CLCC1: variants seen among roughly 807,000 people sequenced by gnomAD.
CLCC1 encodes chloride channel CLIC-like protein 1.
CLCC1 carries 39 observed loss-of-function variants against 63.3 expected under a neutral mutation model. The ratio of observed to expected loss-of-function variants is 0.62; its 90% CI spans 0.48 to 0.81. The LOEUF (loss-of-function observed/expected upper bound fraction) is 0.81, where lower values mean the gene tolerates loss of function less well. Ranked by LOEUF, CLCC1 falls within the 30% of genes least tolerant of loss-of-function variation. The pLI is 0.00. For synonymous variants in CLCC1, 217 were observed against 239.8 expected, an observed-to-expected ratio of 0.90 and a Z score of 0.88; for missense variants, 549 against 669.4, an observed-to-expected ratio of 0.82 and a Z score of 1.98.
At chr1:108,949,077 C>T (rs1654882591) in intron 4 of CLCC1, among the ~76,000 whole-genome samples, 1 of 152,212 alleles carries the variant, frequency 6.6e-6, no homozygotes, top group African/African-American at 2.4e-5. Flanking sequence ...CCTAAGCCAT[C>T]AACATTTGCC....
chr1:108,960,851 G>T (rs941289031), intron 2 of CLCC1, among the ~76,000 whole-genome samples: 9 of 151,882 alleles, frequency 5.9e-5, no homozygotes, highest in African/African-American at 2.2e-4. Flanking sequence ...AAGCAGTTGA[G>T]ATTTTTTTTT....
intron 2 of CLCC1, among the ~76,000 whole-genome samples, chr1:108,952,041 G>T (rs146052856): frequency 1.3e-5 from 2 of 152,072 alleles, no homozygotes; most frequent in African/African-American, 2.4e-5. Flanking sequence ...GCCTCCCAAA[G>T]TGCTGGGATT....
Position 108,931,617 on chromosome 1 carries a change from A to G in CLCC1, c.*930T>C. Reference sequence around the variant, plus strand: ...GTCATAACCTGGAATTAATTACATTAAGTGCTCAGCTAAAAAAAAAAAAAA... The same window carrying G: ...GTCATAACCTGGAATTAATTACATTGAGTGCTCAGCTAAAAAAAAAAAAAA... On this transcript the variant is annotated 3_prime_UTR_variant, in exon 13 of 13. Coordinates refer to ENST00000369969, the MANE Select transcript of CLCC1 (RefSeq NM_001377458.1). 8.2e-7 allele frequency: 1 copy of G among 1,222,314 alleles called. No individual in the cohort carries two copies. Among genetic ancestry groups the G allele is most frequent in the Non-Finnish European group, 1.1e-6 (1 of 933,778 alleles). The allele number at this position is 1,222,314 out of a possible 1,614,324, so 75.7% of individuals were successfully genotyped here. A position where few individuals can be genotyped will look rare whatever the true frequency, so the allele number is the denominator to read the frequency against.
chr1:108,952,811 A>AG (rs1655385321), intron 2 of CLCC1, among the ~76,000 whole-genome samples: 1 of 151,866 alleles, frequency 6.6e-6, no homozygotes, highest in Non-Finnish European at 1.5e-5. Context: ...AAAAAAAAAA[A>AG]AAAAGAAAGA....
intron 2 of CLCC1, among the ~76,000 whole-genome samples, chr1:108,957,244 T>C (rs1656036410): frequency 6.6e-6 from 1 of 151,480 alleles, no homozygotes. Flanking sequence ...TCTGGACAAA[T>C]GATGACTGTA....
intron 2 of CLCC1, among the ~76,000 whole-genome samples, chr1:108,957,890 A>G (rs1278010524): frequency 3.3e-5 from 5 of 151,412 alleles, no homozygotes; most frequent in Non-Finnish European, 1.5e-5. Context: ...AAGATTTATT[A>G]TGAGGACAAA....
rs1553218893 is a variant in CLCC1, at chr1:108,931,628, T to TTAA, written c.*918_*919insTTA. The stretch of plus-strand genomic sequence containing the variant: ...GAATTAATTACATTAAGTGCTCAGC[T>TTAA]AAAAAAAAAAAAAAAGTTCTAAATT... On this transcript the variant is annotated 3_prime_UTR_variant, in exon 13 of 13. Transcript: ENST00000369969. 3.4e-4 allele frequency: 279 copies of TTAA among 811,248 alleles called. 1 individual carries two copies. In the African/African-American group the frequency reaches 5.0e-3, roughly 15 times the overall value. 50.3% of individuals were successfully genotyped at this position (811,248 alleles called of 1,614,324 possible). A position where few individuals can be genotyped will look rare whatever the true frequency, so the allele number is the denominator to read the frequency against.
chr1:108,929,969 A>C lies in CLCC1; in HGVS notation c.*2578T>G, dbSNP rs1651643819. On this transcript the variant is annotated 3_prime_UTR_variant, in exon 13 of 13. Transcript: ENST00000369969. ...CTATGGATTTATTTTTTTTCCTTTC[A>C]AACACGGTAAGGAAACAATCTATTA... 2 of 1,597,240 alleles carry C rather than the reference A, an allele frequency of 1.3e-6. No individual in the cohort carries two copies. Among genetic ancestry groups the C allele is most frequent in the Non-Finnish European group, 1.7e-6 (2 of 1,165,712 alleles).
At chr1:108,944,427 C>CAG (rs1359683191) in intron 5 of CLCC1, among the ~76,000 whole-genome samples, 1 of 151,842 alleles carries the variant, frequency 6.6e-6, no homozygotes, top group Non-Finnish European at 1.5e-5. Context: ...TATGAGCATA[C>CAG]CACTGCACTC....
At chr1:108,938,316 A>G (rs1316418248) in intron 10 of CLCC1, among the ~76,000 whole-genome samples, 1 of 152,228 alleles carries the variant, frequency 6.6e-6, no homozygotes, top group African/African-American at 2.4e-5. Context: ...TTCCTGAGGG[A>G]GCACATGAAA....
At chr1:108,941,294 T>G in intron 8 of CLCC1, 111 bp downstream of exon 8, 3 of 966,118 alleles carry the variant, frequency 3.1e-6, no homozygotes, top group Non-Finnish European at 4.7e-6. Context: ...CTTCTGATAT[T>G]AAAGATTCAG....
rs542536434 is a variant in CLCC1, at chr1:108,944,902, T to C, written c.340-845A>G. On this transcript the variant is annotated intron_variant, in intron 5 of 12. Coordinates refer to ENST00000369969, the MANE Select transcript of CLCC1 (RefSeq NM_001377458.1). ...CCATGGCCTCCCAAAGTGCTGGGAT[T>C]ACAGGCGTGAGCCACTGCACCCGGC... is the stretch of plus-strand genomic sequence containing the variant. 1.5e-4 allele frequency among the ~76,000 whole-genome samples: 23 copies of C among 152,340 alleles called. No individual in the cohort carries two copies. The South Asian group carries it at 4.3e-3, about 29-fold the overall frequency.
rs1653648917 is a variant in CLCC1 at position 108,940,098 on chromosome 1, T to C, written c.841A>G (p.Lys281Glu). 1.9e-6 allele frequency: 3 copies of C among 1,613,766 alleles called. No homozygotes were observed. The highest frequency in any genetic ancestry group is 1.3e-5 in the African/African-American group (1 of 74,920). ...TTGACTAGTAAGAGCTCATAGTATT[T>C]TTGGCATGGGTCATCCTTATAGGTC... is the stretch of plus-strand genomic sequence containing the variant. Reference protein sequence around the residue: ...SWTYKDDPCQKYYELLLVNPI... With the variant: ...SWTYKDDPCQEYYELLLVNPI... The change falls in exon 9 of 13, where the codon AAA (lysine) becomes GAA (glutamate). Residue 281 changes from lysine to glutamate, a missense_variant. Coordinates refer to ENST00000369969, the MANE Select transcript of CLCC1 (RefSeq NM_001377458.1).
intron 2 of CLCC1, among the ~76,000 whole-genome samples, chr1:108,955,678 C>G (rs192927135): frequency 1.3e-5 from 2 of 151,590 alleles, no homozygotes; most frequent in East Asian, 3.9e-4. Context: ...GATCCACCCT[C>G]TGTAGGGGCC....
At position 108,943,830 on chromosome 1, in the gene CLCC1, T is replaced by A. The variant is rs1654171064; in HGVS notation, c.561+6A>T. On this transcript the variant is annotated splice_donor_region_variant and intron_variant, in intron 6 of 12. Transcript: ENST00000369969. ...TGACGTTGCCCTTGCCCTCATCCCA[T>A]CTTACCATTAACACATTATATGGAT... The A allele has an allele frequency of 6.2e-7, 1 of 1,601,376 alleles. No individual in the cohort carries two copies.
chr1:108,937,293 A>G lies in CLCC1; in HGVS notation c.1167T>C (p.Pro389=), dbSNP rs1653158784. Residue 389 remains proline (P), a synonymous_variant, in exon 11 of 13, where the codon CCT becomes CCC. Transcript: ENST00000369969. ...RRRQEEIDYR[P]DGGAGDADFH... is the part of the protein sequence containing the mutation. ...AATCGGCATCACCTGCTCCACCATC[A>G]GGTCTATAATCAATTTCCTCCTGCC... 7.4e-6 allele frequency: 12 copies of G among 1,614,216 alleles called. No individual in the cohort carries two copies. Among genetic ancestry groups the G allele is most frequent in the African/African-American group, 4.0e-5 (3 of 75,058 alleles).
At chr1:108,932,601 C>CAGTT (rs1332280777) in intron 12 of CLCC1, 100 bp from the exon 13 acceptor site, 3 of 152,200 alleles carry the variant, frequency 2.0e-5, no homozygotes, top group African/African-American at 7.2e-5. Context: ...ATTCCACTCA[C>CAGTT]AGTTACAGTC....
In CLCC1 at chr1:108,943,823, C is replaced by A. The variant is rs1160041125; in HGVS notation, c.561+13G>T. The A allele has an allele frequency of 1.9e-6, 3 of 1,589,484 alleles. No individual in the cohort carries two copies. Among genetic ancestry groups the A allele is most frequent in the African/African-American group, 2.7e-5 (2 of 74,254 alleles). ...AACTTAATGACGTTGCCCTTGCCCT[C>A]ATCCCATCTTACCATTAACACATTA... is the stretch of plus-strand genomic sequence containing the variant. On this transcript the variant is annotated intron_variant, in intron 6 of 12. Transcript: ENST00000369969.
chr1:108,953,315 C>G (rs1468742524), intron 2 of CLCC1, among the ~76,000 whole-genome samples: 1 of 152,252 alleles, frequency 6.6e-6, no homozygotes, highest in East Asian at 1.9e-4. Context: ...CGGTCTGTCT[C>G]TTCCATTAGC....
Sources: allele counts gnomAD v4.1 joint callset (sites outside exome capture counted in the v4.1 genomes callset), GRCh38; gene constraint gnomAD v4.1.1; transcripts MANE v1.5; gene names NCBI Gene and HGNC (gene_info 2026-07-23, HGNC 2026-07-21).